Variants in HPSE2 observed in about 807,000 individuals in gnomAD.
HPSE2 encodes heparanase 2 (inactive).
Under a neutral mutation model 60.5 loss-of-function variants are expected in HPSE2, and 38 were observed. The ratio of observed to expected loss-of-function variants is 0.63; its 90% CI spans 0.48 to 0.82. The LOEUF is 0.82. Ranked by LOEUF, HPSE2 falls within the 40% of genes least tolerant of loss-of-function variation. The pLI, the probability that HPSE2 is intolerant of heterozygous loss-of-function variation, is 0.00. For missense variants in HPSE2, 713 were observed against 740.4 expected, an observed-to-expected ratio of 0.96 and a Z score of 0.43; for synonymous variants, 295 against 293.2, an observed-to-expected ratio of 1.01 and a Z score of -0.06.
chr10:98,512,920 T>A (rs1942466882), intron 9 of HPSE2, among the ~76,000 whole-genome samples: 1 of 151,918 alleles, frequency 6.6e-6, no homozygotes, highest in African/African-American at 2.4e-5. Flanking sequence ...ACCACCCACA[T>A]CCCTTGCCTG....
At position 98,975,822 on chromosome 10, in the gene HPSE2, A is replaced by G. The variant is rs138941512; in HGVS notation, c.610+168416T>C. ...AGTTTGCCTGAACAAATTGTTGGAC[A>G]TCGGGGGTTCTTCAGAAATCAAAAG... is the stretch of plus-strand genomic sequence containing the variant. On this transcript the variant is annotated intron_variant, in intron 3 of 11. Coordinates refer to ENST00000370552, the MANE Select transcript of HPSE2 (RefSeq NM_021828.5). 9.1e-4 allele frequency among the ~76,000 whole-genome samples: 138 copies of G among 152,292 alleles called. 3 individuals carry two copies. The East Asian group carries it at 0.024, about 27-fold the overall frequency.
At chr10:99,279,030 A>T in the HPSE2 span, among the ~76,000 whole-genome samples, 5 of 152,160 alleles carry the variant, frequency 3.3e-5, no homozygotes, top group Non-Finnish European at 4.4e-5. Context: ...TCAAAATCAC[A>T]ATTTACAAAA....
intron 3 of HPSE2, among the ~76,000 whole-genome samples, chr10:98,976,110 A>T (rs1313509014): frequency 1.3e-5 from 2 of 152,140 alleles, no homozygotes; most frequent in African/African-American, 4.8e-5. Flanking sequence ...GATTTAATAC[A>T]ACGATCTCTG....
intron 3 of HPSE2, among the ~76,000 whole-genome samples, chr10:98,833,623 A>G (rs1014042404): frequency 6.6e-6 from 1 of 152,168 alleles, no homozygotes; most frequent in Non-Finnish European, 1.5e-5. Flanking sequence ...CCAATGGGGA[A>G]ACTGAGACAC....
the HPSE2 span, among the ~76,000 whole-genome samples, chr10:99,291,605 T>G: frequency 7.1e-6 from 1 of 140,990 alleles, no homozygotes; most frequent in African/African-American, 2.6e-5. Flanking sequence ...AAAAAAAGAA[T>G]CACCATATGT....
chr10:98,900,618 T>C (rs1414704541), intron 3 of HPSE2, among the ~76,000 whole-genome samples: 1 of 152,204 alleles, frequency 6.6e-6, no homozygotes, highest in East Asian at 1.9e-4. Context: ...ATGTCAATTA[T>C]ACTCCAACAA....
intron 3 of HPSE2, among the ~76,000 whole-genome samples, chr10:99,107,155 GCCA>G (rs1254148366): frequency 2.0e-5 from 3 of 152,156 alleles, no homozygotes; most frequent in Non-Finnish European, 2.9e-5. Flanking sequence ...ACAGGTGTGA[GCCA>G]CCACATCTGG....
intron 3 of HPSE2, among the ~76,000 whole-genome samples, chr10:99,105,062 A>T (rs1045180369): frequency 1.3e-3 from 22 of 16,438 alleles, no homozygotes; most frequent in Non-Finnish European, 3.6e-3. Context: ...AAAATATAAT[A>T]AAAAAAAAAA....
chr10:98,964,632 G>GCAATAGATA (rs1179305609), intron 3 of HPSE2, among the ~76,000 whole-genome samples: 1 of 151,888 alleles, frequency 6.6e-6, no homozygotes, highest in East Asian at 1.9e-4. Context: ...GGATCTATTT[G>GCAATAGATA]CAATCTTCTG....
chr10:98,825,978 ACTC>A (rs1490483132), intron 3 of HPSE2, among the ~76,000 whole-genome samples: 5 of 151,928 alleles, frequency 3.3e-5, no homozygotes, highest in African/African-American at 4.8e-5. Flanking sequence ...CTACTTCCAG[ACTC>A]CTCATCATTT....
At chr10:99,122,631 T>C (rs1385457769) in intron 3 of HPSE2, among the ~76,000 whole-genome samples, 1 of 151,946 alleles carries the variant, frequency 6.6e-6, no homozygotes, top group Non-Finnish European at 1.5e-5. Context: ...AAATTCTAAA[T>C]ATTGTCAAGT....
At chr10:98,550,616 C>T (rs1349097083) in intron 9 of HPSE2, among the ~76,000 whole-genome samples, 4 of 152,026 alleles carry the variant, frequency 2.6e-5, no homozygotes, top group South Asian at 2.1e-4. Flanking sequence ...TACAGGCGCC[C>T]GCCACCACGC....
chr10:98,839,031 G>A (rs1302372139), intron 3 of HPSE2, among the ~76,000 whole-genome samples: 1 of 152,110 alleles, frequency 6.6e-6, no homozygotes, highest in African/African-American at 2.4e-5. Flanking sequence ...TCTAGAAATA[G>A]GCCAGCAAAG....
chr10:98,712,063 AAGAAGAGGGAAC>A (rs1315843178), intron 5 of HPSE2, among the ~76,000 whole-genome samples: 1 of 152,020 alleles, frequency 6.6e-6, no homozygotes, highest in African/African-American at 2.4e-5. Context: ...TTGTGAGGGA[AAGAAGAGGGAAC>A]AGAGGAAAAA....
chr10:99,221,145 G>A (rs144431158), intron 2 of HPSE2, among the ~76,000 whole-genome samples: 1,533 of 152,076 alleles, frequency 0.01, 20 homozygotes, highest in Non-Finnish European at 0.015. Flanking sequence ...GCACTTGGCC[G>A]GCTTTCAGTT....
chr10:98,740,319 GT>G (rs1461476679), intron 4 of HPSE2, among the ~76,000 whole-genome samples: 1 of 151,852 alleles, frequency 6.6e-6, no homozygotes, highest in Non-Finnish European at 1.5e-5. Context: ...AGGATCACAG[GT>G]GCATGCTACC....
chr10:99,116,345 A>G (rs1476022217), intron 3 of HPSE2, among the ~76,000 whole-genome samples: 1 of 152,174 alleles, frequency 6.6e-6, no homozygotes, highest in East Asian at 1.9e-4. Flanking sequence ...TCATCTATAA[A>G]AAGATGTAGA....
chr10:99,309,776 A>G, the HPSE2 span, among the ~76,000 whole-genome samples: 12 of 152,334 alleles, frequency 7.9e-5, no homozygotes, highest in South Asian at 1.9e-3. Flanking sequence ...ACTCTGATAC[A>G]CTGCTACTGG....
At chr10:98,712,441 G>A (rs17110710) in intron 5 of HPSE2, among the ~76,000 whole-genome samples, 10,914 of 152,142 alleles carry the variant, frequency 0.072, 558 homozygotes, top group South Asian at 0.19. Context: ...TAGGAATACA[G>A]TAAAATTTCC....
Sources: allele counts gnomAD v4.1 joint callset (sites outside exome capture counted in the v4.1 genomes callset), GRCh38; gene constraint gnomAD v4.1.1; transcripts MANE v1.5; gene names NCBI Gene and HGNC (gene_info 2026-07-23, HGNC 2026-07-21).